The following LRRC31 variants were observed in gnomAD, a reference collection of about 807,000 sequenced individuals.
LRRC31 encodes leucine-rich repeat-containing protein 31.
A neutral mutation model predicts 46.7 loss-of-function variants in LRRC31; 35 were observed. The ratio of observed to expected loss-of-function variants is 0.75; its 90% CI spans 0.57 to 0.99. LRRC31 has a LOEUF of 0.99. Among genes scored for constraint, LRRC31 ranks in the 50% least tolerant of loss-of-function variants. The probability of loss-of-function intolerance (pLI) is 0.00; values close to 1 mark genes in which losing one functional copy is unlikely to be tolerated. For synonymous variants in LRRC31, 236 were observed against 235.1 expected (o/e 1.00, Z -0.03); for missense variants, 613 against 626.1 (o/e 0.98, Z 0.22).
chr3:169,861,940 C>T, intron 1 of LRRC31, 127 bp from the exon 2 acceptor site: 3 of 977,684 alleles, frequency 3.1e-6, no homozygotes, highest in Non-Finnish European at 3.0e-6. Context: ...AACCTCAACT[C>T]AGAGGCAGAG....
At chr3:169,844,945 A>C (rs1189755782) in intron 8 of LRRC31, among the ~76,000 whole-genome samples, 2 of 150,632 alleles carry the variant, frequency 1.3e-5, no homozygotes, top group Non-Finnish European at 3.0e-5. Context: ...AAAAAAAAAA[A>C]AAACAAAACA....
Position 169,847,183 on chromosome 3 carries a change from T to C in LRRC31, c.1327+937A>G, listed in dbSNP as rs1008770788. Among the ~76,000 whole-genome samples, 5 of 152,098 alleles carry C rather than the reference T, an allele frequency of 3.3e-5. No homozygotes were observed. The South Asian group carries it at 6.2e-4, about 19-fold the overall frequency. On this transcript the variant is annotated intron_variant, in intron 8 of 8. Transcript: ENST00000316428. ...TGGAAACATAGAATGAGTTTTTTAT[T>C]TTGTTTTGTTTTGTTTTTTGAGAAG...
In LRRC31 at chr3:169,840,171, A is replaced by G; in HGVS notation, c.1470T>C (p.Leu490=). The change falls in exon 9 of 9, where the codon CTT becomes CTC. Residue 490 remains leucine (L), a synonymous_variant. Coordinates refer to ENST00000316428, the MANE Select transcript of LRRC31 (RefSeq NM_024727.4). ...CACAATCTCGAAAATTTGATGGTCG[A>G]AGGCTAATATCCAGCTCGATTAGCT... ...LKELIELDIS[L]RPSNFRDCGQ... 2.5e-6 allele frequency: 4 copies of G among 1,614,182 alleles called. No homozygotes were observed. The highest frequency in any genetic ancestry group is 3.4e-6 in the Non-Finnish European group (4 of 1,180,042).
chr3:169,850,083 T>C (rs1426978017), intron 7 of LRRC31, among the ~76,000 whole-genome samples: 6 of 152,204 alleles, frequency 3.9e-5, no homozygotes, highest in Admixed American at 3.9e-4. Flanking sequence ...CAGTGTTTTT[T>C]ATCAGTTGGC....
At chr3:169,862,513 A>C (rs898936811) in intron 1 of LRRC31, among the ~76,000 whole-genome samples, 2 of 152,152 alleles carry the variant, frequency 1.3e-5, no homozygotes, top group African/African-American at 4.8e-5. Flanking sequence ...CTGTAATCCT[A>C]GTACTTTGGA....
rs535736442 is a variant in LRRC31, at chr3:169,861,721, A to T, written c.268T>A (p.Cys90Ser). ...AATCCACAGTTATTCAAATCTAGAC[A>T]CTTGTTGACAGCCTTTTTGCCCAGC... The part of the protein sequence containing the change: ...QKLGKKAVNK[C>S]LDLNNCGLTT... The change falls in exon 2 of 9, where the codon TGT (cysteine) becomes AGT (serine). Residue 90 changes from cysteine to serine, a missense_variant. Coordinates refer to ENST00000316428, the MANE Select transcript of LRRC31 (RefSeq NM_024727.4). 1 of 1,614,142 alleles carries T rather than the reference A, an allele frequency of 6.2e-7. No homozygotes were observed. The highest frequency in any genetic ancestry group is 1.1e-5 in the South Asian group (1 of 91,078).
At chr3:169,865,882 G>C (rs1422239696) in intron 1 of LRRC31, among the ~76,000 whole-genome samples, 1 of 152,126 alleles carries the variant, frequency 6.6e-6, no homozygotes, top group Non-Finnish European at 1.5e-5. Flanking sequence ...GGTGACACGA[G>C]GGAACATCTT....
chr3:169,859,724 A>C (rs1423669352), intron 3 of LRRC31, among the ~76,000 whole-genome samples: 1 of 152,194 alleles, frequency 6.6e-6, no homozygotes, highest in East Asian at 1.9e-4. Flanking sequence ...TGTGGGTGGG[A>C]AAATAGAAGA....
At position 169,861,801 on chromosome 3, in the gene LRRC31, C is replaced by T. The variant is rs758594575; in HGVS notation, c.188G>A (p.Ser63Asn). The T allele has an allele frequency of 8.1e-6, 13 of 1,613,802 alleles. No individual in the cohort carries two copies. The Admixed American group carries it at 2.0e-4, about 25-fold the overall frequency. ...TATSETAKPLSSEMEWRSSME... is the reference protein window; with the variant it reads ...TATSETAKPLNSEMEWRSSME... ...ACTGGATCTCCATTCCATTTCTGAACTGAGAGGCTTAGCTGTGTGATAAGC... is the reference window on the plus strand; with the variant it reads ...ACTGGATCTCCATTCCATTTCTGAATTGAGAGGCTTAGCTGTGTGATAAGC... The change falls in exon 2 of 9, where the codon AGT becomes AAT. Residue 63 changes from serine (S) to asparagine (N), a missense_variant. Coordinates refer to ENST00000316428, the MANE Select transcript of LRRC31 (RefSeq NM_024727.4).
At chr3:169,853,438 C>T (rs977522657) in intron 6 of LRRC31, 1 of 985,268 alleles carries the variant, frequency 1.0e-6, no homozygotes, top group African/African-American at 1.7e-5. Context: ...TGGCTGTGAA[C>T]CTAGGTAAGG....
In LRRC31 at chr3:169,860,516, C is replaced by T. The variant is rs184426947; in HGVS notation, c.487+45G>A. 1.2e-3 allele frequency: 1,924 copies of T among 1,604,294 alleles called. 18 individuals are homozygous for T. In the Admixed American group the frequency reaches 0.017, roughly 15 times the overall value. ...GTGTTAGGATTACAGCTGTGAGCCA[C>T]GGCGCCCGGCCGAATCCATCTTTTA... On this transcript the variant is annotated intron_variant, in intron 3 of 8. Transcript: ENST00000316428.
intron 1 of LRRC31, among the ~76,000 whole-genome samples, chr3:169,862,045 A>G (rs1781183760): frequency 1.3e-5 from 2 of 152,192 alleles, no homozygotes; most frequent in Admixed American, 1.3e-4. Flanking sequence ...TGGCTTTTCT[A>G]TCATGACCTG....
In LRRC31 at chr3:169,839,265, G is replaced by A. The variant is rs1393394034; in HGVS notation, c.*717C>T. 1 of 152,048 alleles carries A rather than the reference G, an allele frequency of 6.6e-6. No individual in the cohort carries two copies. Among genetic ancestry groups the A allele is most frequent in the Non-Finnish European group, 1.5e-5 (1 of 67,996 alleles). 9.4% of individuals were successfully genotyped at this position (152,048 alleles called of 1,614,324 possible). On this transcript the variant is annotated 3_prime_UTR_variant, in exon 9 of 9. Coordinates refer to ENST00000316428, the MANE Select transcript of LRRC31 (RefSeq NM_024727.4). ...GTTAACAATTTTTTAAACAATAAAAGGTTTTAATTTATTCTAACAAGATAT... is the reference window on the plus strand; with the variant it reads ...GTTAACAATTTTTTAAACAATAAAAAGTTTTAATTTATTCTAACAAGATAT...
At chr3:169,858,191 C>T (rs1222281362) in intron 3 of LRRC31, among the ~76,000 whole-genome samples, 1 of 152,198 alleles carries the variant, frequency 6.6e-6, no homozygotes, top group Non-Finnish European at 1.5e-5. Context: ...TAGGTAAGCC[C>T]CTCCTGATGG....
At chr3:169,855,281 T>C (rs886202377) in intron 5 of LRRC31, among the ~76,000 whole-genome samples, 1 of 151,688 alleles carries the variant, frequency 6.6e-6, no homozygotes, top group African/African-American at 2.4e-5. Context: ...TATCGCAAGG[T>C]GGTAAGAAGG....
At chr3:169,865,121 G>C (rs887891063) in intron 1 of LRRC31, among the ~76,000 whole-genome samples, 1 of 151,168 alleles carries the variant, frequency 6.6e-6, no homozygotes, top group Non-Finnish European at 1.5e-5. Context: ...GTGTAGTGGC[G>C]GGTGCCTGTA....
In LRRC31 at chr3:169,840,001, T is replaced by C. The variant is rs1282879371; in HGVS notation, c.1640A>G (p.Asp547Gly). ...ATCAGTTTACTGAAACCCACCATGGTCAAAGTGAATGCTTCTTTTTTTATC... is the reference window on the plus strand; with the variant it reads ...ATCAGTTTACTGAAACCCACCATGGCCAAAGTGAATGCTTCTTTTTTTATC... ...DQDKKRSIHF[D>G]HGGFQ The change falls in exon 9 of 9, where the codon GAC (aspartate) becomes GGC (glycine). Residue 547 changes from aspartate to glycine, a missense_variant. By Grantham distance (94) the Asp-to-Gly change is moderately conservative (BLOSUM62 -1). Coordinates refer to ENST00000316428, the MANE Select transcript of LRRC31 (RefSeq NM_024727.4). The C allele has an allele frequency of 6.2e-7, 1 of 1,612,532 alleles. No individual in the cohort carries two copies. The highest frequency in any genetic ancestry group is 1.7e-5 in the Admixed American group (1 of 59,832).
chr3:169,841,067 C>T (rs1044712641), intron 8 of LRRC31, among the ~76,000 whole-genome samples: 1 of 152,194 alleles, frequency 6.6e-6, no homozygotes, highest in Non-Finnish European at 1.5e-5. Flanking sequence ...CTTATCCAAC[C>T]TCCTAATCAA....
chr3:169,863,526 T>A (rs1014308536), intron 1 of LRRC31, among the ~76,000 whole-genome samples: 4 of 151,090 alleles, frequency 2.6e-5, no homozygotes, highest in African/African-American at 9.7e-5. Flanking sequence ...GTCTTGTGGC[T>A]TCCTGTTTGG....
Sources: allele counts gnomAD v4.1 joint callset (sites outside exome capture counted in the v4.1 genomes callset), GRCh38; gene constraint gnomAD v4.1.1; transcripts MANE v1.5; gene names NCBI Gene and HGNC (gene_info 2026-07-23, HGNC 2026-07-21).